TTC38: variants seen among roughly 807,000 people sequenced by gnomAD.
TTC38 encodes tetratricopeptide repeat protein 38.
A neutral mutation model predicts 64.2 loss-of-function variants in TTC38; 64 were observed. That is an observed-to-expected ratio of 1.00 (90% CI 0.81 to 1.23). The LOEUF is 1.23. Among genes scored for constraint, TTC38 ranks in the 50% most tolerant of loss-of-function variants. TTC38 has a pLI of 0.00. For missense variants in TTC38, 573 were observed against 615.5 expected, an observed-to-expected ratio of 0.93 and a Z score of 0.73; for synonymous variants, 254 against 249.3, an observed-to-expected ratio of 1.02 and a Z score of -0.18.
At position 46,274,178 on chromosome 22, in the gene TTC38, T is replaced by G; in HGVS notation, c.365+109T>G. Reference sequence around the variant, plus strand: ...GGACGGGGGCGGGGTGGGAGAATGCTTCTCTCCCTGCCTCCTGAGATGCTC... The same window carrying G: ...GGACGGGGGCGGGGTGGGAGAATGCGTCTCTCCCTGCCTCCTGAGATGCTC... On this transcript the variant is annotated intron_variant, in intron 4 of 13. Transcript: ENST00000381031. This position sits in a 1 kb window ranked among gnomAD's most constrained non-coding sequence, Gnocchi z 4.8. 2.0e-4 allele frequency: 172 copies of G among 866,302 alleles called. No homozygotes were observed. Among genetic ancestry groups the G allele is most frequent in the Middle Eastern group, 1.8e-3 (5 of 2,766 alleles). The allele number at this position is 866,302 out of a possible 1,614,324, so 53.7% of individuals were successfully genotyped here. A position where few individuals can be genotyped will look rare whatever the true frequency, so the allele number is the denominator to read the frequency against.
Position 46,282,776 on chromosome 22 carries a change from A to G in TTC38, c.735+1058A>G, listed in dbSNP as rs2077544000. Among the ~76,000 whole-genome samples, 1 of 152,136 alleles carries G rather than the reference A, an allele frequency of 6.6e-6. No homozygotes were observed. The highest frequency in any genetic ancestry group is 1.5e-5 in the Non-Finnish European group (1 of 68,018). On this transcript the variant is annotated intron_variant, in intron 7 of 13. Coordinates refer to ENST00000381031, the MANE Select transcript of TTC38 (RefSeq NM_017931.4). This position sits in a 1 kb window ranked among gnomAD's most constrained non-coding sequence, Gnocchi z 4.4. ...GCTTGGAAATACCCTAGCAGGGGCC[A>G]GCTCTGAGCCCAGCACAGGTCCTAC...
Position 46,293,389 on chromosome 22 carries a change from A to G in TTC38, c.*505A>G, listed in dbSNP as rs1601890723. The G allele has an allele frequency of 6.2e-6, 1 of 160,132 alleles. No individual in the cohort carries two copies. The highest frequency in any genetic ancestry group is 1.4e-5 in the Non-Finnish European group (1 of 71,976). The allele number at this position is 160,132 out of a possible 1,614,324, so 9.9% of individuals were successfully genotyped here. A position where few individuals can be genotyped will look rare whatever the true frequency, so the allele number is the denominator to read the frequency against. ...ATTTTTCAGGTGAGGGTACCGGGGT[A>G]GGGGAGTGGCCTGCCCAGGGTCACA... On this transcript the variant is annotated 3_prime_UTR_variant, in exon 14 of 14. Coordinates refer to ENST00000381031, the MANE Select transcript of TTC38 (RefSeq NM_017931.4). This position sits in a 1 kb window ranked among gnomAD's most constrained non-coding sequence, Gnocchi z 6.6.
intron 12 of TTC38, 105 bp downstream of exon 12, chr22:46,289,666 G>T: frequency 6.8e-7 from 1 of 1,465,726 alleles, no homozygotes; most frequent in Non-Finnish European, 9.3e-7. Context: ...AACAATGTGG[G>T]TGTGAACGTG....
chr22:46,271,337 C>T lies in TTC38; in HGVS notation c.112-998C>T, dbSNP rs201228259. Among the ~76,000 whole-genome samples the T allele has an allele frequency of 1.3e-5, 2 of 151,662 alleles. No individual in the cohort carries two copies. The highest frequency in any genetic ancestry group is 4.8e-5 in the African/African-American group (2 of 41,244). On this transcript the variant is annotated intron_variant, in intron 2 of 13. Coordinates refer to ENST00000381031, the MANE Select transcript of TTC38 (RefSeq NM_017931.4). This position sits in a 1 kb window ranked among gnomAD's most constrained non-coding sequence, Gnocchi z 5.5. ...ACGCCATTCTCCTGCCTCAGCCTCC[C>T]GAGTAGCTGGGATTACAGGCGCCCA... is the stretch of plus-strand genomic sequence containing the variant.
chr22:46,281,355 C>A lies in TTC38; in HGVS notation c.616-244C>A, dbSNP rs1318340969. On this transcript the variant is annotated intron_variant, in intron 6 of 13. Coordinates refer to ENST00000381031, the MANE Select transcript of TTC38 (RefSeq NM_017931.4). The surrounding 1 kb of genome is among the most constrained non-coding windows in gnomAD (Gnocchi z 5.2). ...GCTGCTGTCCAGCTGGGTGAAGTCGCATAGCCTCCCTAAGACTCAGCTTCC... is the reference window on the plus strand; with the variant it reads ...GCTGCTGTCCAGCTGGGTGAAGTCGAATAGCCTCCCTAAGACTCAGCTTCC... Among the ~76,000 whole-genome samples, 1 of 152,220 alleles carries A rather than the reference C, an allele frequency of 6.6e-6. No homozygotes were observed. Among genetic ancestry groups the A allele is most frequent in the Non-Finnish European group, 1.5e-5 (1 of 68,044 alleles).
chr22:46,293,250 C>T lies in TTC38; in HGVS notation c.*366C>T. 1 of 236,176 alleles carries T rather than the reference C, an allele frequency of 4.2e-6. No individual in the cohort carries two copies. Among genetic ancestry groups the T allele is most frequent in the South Asian group, 8.1e-5 (1 of 12,346 alleles). 14.6% of individuals were successfully genotyped at this position (236,176 alleles called of 1,614,324 possible). A position where few individuals can be genotyped will look rare whatever the true frequency, so the allele number is the denominator to read the frequency against. On this transcript the variant is annotated 3_prime_UTR_variant, in exon 14 of 14. Transcript: ENST00000381031. This position sits in a 1 kb window ranked among gnomAD's most constrained non-coding sequence, Gnocchi z 6.6. ...TCTGCTGGGACAGGTCTTCCAGAGG[C>T]AGCCTCCCCCCACTGCCTGTCCCCG...
At chr22:46,290,253 G>A (rs1295666074) in intron 13 of TTC38, among the ~76,000 whole-genome samples, 2 of 152,216 alleles carry the variant, frequency 1.3e-5, no homozygotes, top group Non-Finnish European at 2.9e-5. Flanking sequence ...TGCTCAGTTA[G>A]ACCTCAGCTC....
chr22:46,275,049 C>G lies in TTC38; in HGVS notation c.366-199C>G, dbSNP rs1936977473. On this transcript the variant is annotated intron_variant, in intron 4 of 13. Coordinates refer to ENST00000381031, the MANE Select transcript of TTC38 (RefSeq NM_017931.4). The surrounding 1 kb of genome is among the most constrained non-coding windows in gnomAD (Gnocchi z 4.5). ...TCTTGGCCAGGCTGGTCTTGAACTC[C>G]TGACCTCGTGATCCACCTGCCTTGG... Among the ~76,000 whole-genome samples the G allele has an allele frequency of 6.6e-6, 1 of 152,172 alleles. No homozygotes were observed. Among genetic ancestry groups the G allele is most frequent in the Admixed American group, 6.5e-5 (1 of 15,272 alleles).
At chr22:46,290,013 C>T in intron 13 of TTC38, 114 bp downstream of exon 13, 1 of 956,070 alleles carries the variant, frequency 1.0e-6, no homozygotes, top group Non-Finnish European at 1.7e-6. Context: ...GCTTCTGAGG[C>T]TGTGAGGTCG....
chr22:46,289,950 G>A (rs371091905), intron 13 of TTC38, 51 bp downstream of exon 13: 21 of 1,532,928 alleles, frequency 1.4e-5, no homozygotes, highest in Non-Finnish European at 1.8e-5. Flanking sequence ...GGCTCTCCCT[G>A]CAGACCTCAG....
Position 46,275,431 on chromosome 22 carries a change from A to C in TTC38, c.539+10A>C. On this transcript the variant is annotated intron_variant, in intron 5 of 13. Coordinates refer to ENST00000381031, the MANE Select transcript of TTC38 (RefSeq NM_017931.4). This position sits in a 1 kb window ranked among gnomAD's most constrained non-coding sequence, Gnocchi z 4.5. ...ACATCCCCCTAAGCAGGTATGTGCC[A>C]GCTGGAAATCACATTATTTCTGTTT... 3 of 1,604,666 alleles carry C rather than the reference A, an allele frequency of 1.9e-6. No individual in the cohort carries two copies.
intron 5 of TTC38, 77 bp from the exon 6 acceptor site, chr22:46,278,509 G>A: frequency 8.0e-7 from 1 of 1,252,288 alleles, no homozygotes; most frequent in Non-Finnish European, 1.2e-6. Flanking sequence ...GGACCTCAGT[G>A]TATCTTTGCG....
At chr22:46,268,188 G>T in intron 1 of TTC38, 116 bp downstream of exon 1, 1 of 1,149,250 alleles carries the variant, frequency 8.7e-7, no homozygotes, top group South Asian at 1.6e-5. Flanking sequence ...GGTGAGCCCT[G>T]GGCGCACGGG....
At position 46,276,824 on chromosome 22, in the gene TTC38, A is replaced by AAT. The variant is rs57859102; in HGVS notation, c.539+1419_539+1420dup. Among the ~76,000 whole-genome samples the AAT allele has an allele frequency of 0.11, 15,993 of 139,434 alleles. 1,066 individuals are homozygous for AAT. The highest frequency in any genetic ancestry group is 0.17 in the African/African-American group (5,984 of 36,126). The allele number at this position is 139,434 out of a possible 152,430, so 91.5% of individuals were successfully genotyped here. A position where few individuals can be genotyped will look rare whatever the true frequency, so the allele number is the denominator to read the frequency against. The stretch of plus-strand genomic sequence containing the variant: ...ATTATATATTAAAATATATATATTA[A>AAT]ATATATATATATATATAAACATATA... On this transcript the variant is annotated intron_variant, in intron 5 of 13. Transcript: ENST00000381031. This position sits in a 1 kb window ranked among gnomAD's most constrained non-coding sequence, Gnocchi z 4.7.
Position 46,270,807 on chromosome 22 carries a change from C to T in TTC38, c.112-1528C>T, listed in dbSNP as rs976345884. ...TGAGATAGTGCCACTGCCTTCCAGCCTGGGTGACAGGGCAAGACTCCATCT... is the reference window on the plus strand; with the variant it reads ...TGAGATAGTGCCACTGCCTTCCAGCTTGGGTGACAGGGCAAGACTCCATCT... On this transcript the variant is annotated intron_variant, in intron 2 of 13. Transcript: ENST00000381031. The surrounding 1 kb of genome is among the most constrained non-coding windows in gnomAD (Gnocchi z 4.7). Among the ~76,000 whole-genome samples, 1 of 151,856 alleles carries T rather than the reference C, an allele frequency of 6.6e-6. No individual in the cohort carries two copies. Among genetic ancestry groups the T allele is most frequent in the Admixed American group, 6.6e-5 (1 of 15,240 alleles).
chr22:46,275,494 C>A lies in TTC38; in HGVS notation c.539+73C>A. On this transcript the variant is annotated intron_variant, in intron 5 of 13. Coordinates refer to ENST00000381031, the MANE Select transcript of TTC38 (RefSeq NM_017931.4). The surrounding 1 kb of genome is among the most constrained non-coding windows in gnomAD (Gnocchi z 4.5). Reference sequence around the variant, plus strand: ...TTTCTGCCCTAAAAATATGGTGACTCTCTTGGCCCTGTCCTAAAAATAATG... The same window carrying A: ...TTTCTGCCCTAAAAATATGGTGACTATCTTGGCCCTGTCCTAAAAATAATG... 6.9e-7 allele frequency: 1 copy of A among 1,446,462 alleles called. No homozygotes were observed. Among genetic ancestry groups the A allele is most frequent in the Non-Finnish European group, 9.4e-7 (1 of 1,060,284 alleles). The allele number at this position is 1,446,462 out of a possible 1,614,324, so 89.6% of individuals were successfully genotyped here.
At chr22:46,284,514 A>C (rs924607014) in intron 8 of TTC38, among the ~76,000 whole-genome samples, 3 of 152,224 alleles carry the variant, frequency 2.0e-5, no homozygotes, top group Non-Finnish European at 4.4e-5. Flanking sequence ...TGACATGAGA[A>C]TGTGATGATA....
chr22:46,277,046 T>TACACACACAC (rs4044315), intron 5 of TTC38, among the ~76,000 whole-genome samples: 1 of 131,330 alleles, frequency 7.6e-6, no homozygotes, highest in African/African-American at 3.0e-5. Context: ...TATATATACA[T>TACACACACAC]ACACACACAC....
At chr22:46,283,901 C>A (rs1159780478) in intron 7 of TTC38, 72 bp from the exon 8 acceptor site, 51 of 547,120 alleles carry the variant, frequency 9.3e-5, no homozygotes, top group Non-Finnish European at 1.2e-4. Context: ...TGCATTAGCA[C>A]AAAACAACAT....
Sources: gnomAD v4.1 joint callset for allele counts (sites outside exome capture counted in the v4.1 genomes callset) on GRCh38, gnomAD v4.1.1 for gene constraint, Gnocchi (gnomAD v3.1) non-coding constraint, MANE v1.5 for transcripts, NCBI Gene and HGNC (gene_info 2026-07-23, HGNC 2026-07-21) for gene names.